The following BTBD9 variants were observed in gnomAD, a reference collection of about 807,000 sequenced individuals.
BTBD9 encodes BTB/POZ domain-containing protein 9.
Under a neutral mutation model 64.3 loss-of-function variants are expected in BTBD9, and 49 were observed. The observed-to-expected ratio is 0.76, with a 90% CI of 0.61 to 0.97. BTBD9 has a LOEUF of 0.97. Among genes scored for constraint, BTBD9 ranks in the 50% least tolerant of loss-of-function variants. The pLI, the probability that BTBD9 is intolerant of heterozygous loss-of-function variation, is 0.00. For synonymous variants in BTBD9, 260 were observed against 274.7 expected (o/e 0.95, Z 0.53); for missense variants, 598 against 762.1 (o/e 0.78, Z 2.53).
intron 6 of BTBD9, among the ~76,000 whole-genome samples, chr6:38,484,018 G>A (rs1377179025): frequency 2.0e-5 from 3 of 152,134 alleles, no homozygotes; most frequent in East Asian, 3.9e-4. Context: ...ACTTAATCTC[G>A]TTTACTGCTA....
intron 10 of BTBD9, 113 bp from the exon 11 acceptor site, chr6:38,175,295 AGAG>A: frequency 1.8e-6 from 2 of 1,115,654 alleles, no homozygotes; most frequent in Non-Finnish European, 2.6e-6. Context: ...CGAGGGAGTT[AGAG>A]GAGGTCCTTC....
At chr6:38,328,816 G>A (rs1021624582) in intron 7 of BTBD9, among the ~76,000 whole-genome samples, 4 of 151,752 alleles carry the variant, frequency 2.6e-5, no homozygotes, top group African/African-American at 4.8e-5. Flanking sequence ...GCGTGGTGGC[G>A]GGTGCCCAGA....
chr6:38,316,806 C>T (rs1019258030), intron 7 of BTBD9, among the ~76,000 whole-genome samples: 1 of 152,148 alleles, frequency 6.6e-6, no homozygotes, highest in Admixed American at 6.5e-5. Flanking sequence ...CAGATGACTT[C>T]TTATTGCTCA....
At chr6:38,429,174 G>T (rs1421386807) in intron 6 of BTBD9, among the ~76,000 whole-genome samples, 2 of 151,416 alleles carry the variant, frequency 1.3e-5, no homozygotes, top group African/African-American at 2.4e-5. Flanking sequence ...CAACAACTGG[G>T]CTGGGCATGG....
At chr6:38,517,896 C>G (rs1773108662) in intron 6 of BTBD9, among the ~76,000 whole-genome samples, 1 of 152,172 alleles carries the variant, frequency 6.6e-6, no homozygotes, top group Non-Finnish European at 1.5e-5. Flanking sequence ...AGCATTACCA[C>G]CTTAATCCTC....
chr6:38,324,104 G>A (rs1285831707), intron 7 of BTBD9, among the ~76,000 whole-genome samples: 1 of 152,072 alleles, frequency 6.6e-6, no homozygotes, highest in Non-Finnish European at 1.5e-5. Context: ...CGCGGTACGG[G>A]GAAGGAAAGA....
At chr6:38,481,131 G>C (rs966604250) in intron 6 of BTBD9, among the ~76,000 whole-genome samples, 1 of 151,922 alleles carries the variant, frequency 6.6e-6, no homozygotes, top group Non-Finnish European at 1.5e-5. Context: ...ATTCTAACGT[G>C]AGAGGAGCCC....
At chr6:38,483,019 T>C (rs1248497069) in intron 6 of BTBD9, among the ~76,000 whole-genome samples, 1 of 151,914 alleles carries the variant, frequency 6.6e-6, no homozygotes, top group African/African-American at 2.4e-5. Context: ...ACACGGCCCC[T>C]ACAAAGATCC....
chr6:38,201,391 CATCCCTTCAT>C (rs1762458787), intron 9 of BTBD9, among the ~76,000 whole-genome samples: 1 of 152,168 alleles, frequency 6.6e-6, no homozygotes, highest in African/African-American at 2.4e-5. Flanking sequence ...TAGAATTCAA[CATCCCTTCAT>C]AATAAGAAGT....
At chr6:38,364,091 C>G (rs770268744) in intron 6 of BTBD9, among the ~76,000 whole-genome samples, 2 of 151,924 alleles carry the variant, frequency 1.3e-5, no homozygotes, top group Non-Finnish European at 2.9e-5. Context: ...AGAGAAAATG[C>G]AATGGAGCTG....
intron 6 of BTBD9, among the ~76,000 whole-genome samples, chr6:38,417,804 A>G (rs572273376): frequency 0.04 from 2,210 of 55,874 alleles, 35 homozygotes; most frequent in East Asian, 0.21. Context: ...GAGAGAGAAA[A>G]AAAATATTGA....
At chr6:38,259,976 C>A (rs1764735513) in intron 8 of BTBD9, among the ~76,000 whole-genome samples, 1 of 152,192 alleles carries the variant, frequency 6.6e-6, no homozygotes, top group African/African-American at 2.4e-5. Context: ...TCATTTCCTT[C>A]ATTAGTCATT....
At chr6:38,520,575 C>G (rs1562291068) in intron 6 of BTBD9, among the ~76,000 whole-genome samples, 1 of 152,184 alleles carries the variant, frequency 6.6e-6, no homozygotes, top group East Asian at 1.9e-4. Context: ...TCTTCAATAA[C>G]CATATATTAC....
intron 7 of BTBD9, among the ~76,000 whole-genome samples, chr6:38,291,525 T>C (rs1561981029): frequency 6.6e-6 from 1 of 152,198 alleles, no homozygotes; most frequent in South Asian, 2.1e-4. Flanking sequence ...GAACTTCCAA[T>C]ACTATGTTGA....
At chr6:38,618,345 G>A (rs1433879044) in intron 1 of BTBD9, among the ~76,000 whole-genome samples, 1 of 152,216 alleles carries the variant, frequency 6.6e-6, no homozygotes, top group Non-Finnish European at 1.5e-5. Flanking sequence ...GACCTTTTCT[G>A]TAAGAGGGAA....
chr6:38,467,428 A>C (rs762326243), intron 6 of BTBD9, among the ~76,000 whole-genome samples: 1 of 152,220 alleles, frequency 6.6e-6, no homozygotes, highest in Non-Finnish European at 1.5e-5. Flanking sequence ...AAAATCAGAA[A>C]TTACCTCCCC....
At chr6:38,363,587 GT>G (rs1399265834) in intron 6 of BTBD9, among the ~76,000 whole-genome samples, 2 of 152,036 alleles carry the variant, frequency 1.3e-5, no homozygotes, top group East Asian at 3.9e-4. Flanking sequence ...TCAAGAAAAA[GT>G]TACTCTAACT....
intron 6 of BTBD9, among the ~76,000 whole-genome samples, chr6:38,373,455 T>C (rs940853553): frequency 8.5e-5 from 13 of 152,236 alleles, no homozygotes; most frequent in African/African-American, 2.7e-4. Context: ...AAACTTAATG[T>C]GACAGTTTCC....
chr6:38,502,393 G>A (rs556926929), intron 6 of BTBD9, among the ~76,000 whole-genome samples: 2 of 152,282 alleles, frequency 1.3e-5, no homozygotes, highest in African/African-American at 4.8e-5. Flanking sequence ...GAAGCAAGGT[G>A]ATTTTTAAAT....
Sources: allele counts gnomAD v4.1 joint callset (sites outside exome capture counted in the v4.1 genomes callset), GRCh38; gene constraint gnomAD v4.1.1; transcripts MANE v1.5; gene names NCBI Gene and HGNC (gene_info 2026-07-23, HGNC 2026-07-21).